The following SNTG2 variants were observed in gnomAD, a reference collection of about 807,000 sequenced individuals.
SNTG2 encodes gamma-2-syntrophin.
SNTG2 carries 74 observed loss-of-function variants against 70.9 expected under a neutral mutation model. The observed-to-expected ratio is 1.04, with a 90% CI of 0.86 to 1.27. The LOEUF (loss-of-function observed/expected upper bound fraction) is 1.27, where lower values mean the gene tolerates loss of function less well. Among genes scored for constraint, SNTG2 ranks in the 50% most tolerant of loss-of-function variants. The pLI, the probability that SNTG2 is intolerant of heterozygous loss-of-function variation, is 0.00. For synonymous variants in SNTG2, 278 were observed against 273.8 expected, an observed-to-expected ratio of 1.02 and a Z score of -0.15; for missense variants, 717 against 690.7, an observed-to-expected ratio of 1.04 and a Z score of -0.43.
intron 1 of SNTG2, among the ~76,000 whole-genome samples, chr2:1,031,880 C>G (rs985178154): frequency 6.6e-6 from 1 of 151,872 alleles, no homozygotes; most frequent in Non-Finnish European, 1.5e-5. Context: ...CATTTCCTAG[C>G]GATGGGAAAT....
intron 1 of SNTG2, among the ~76,000 whole-genome samples, chr2:988,647 C>CA (rs1183169003): frequency 1.3e-5 from 2 of 152,098 alleles, no homozygotes; most frequent in Non-Finnish European, 2.9e-5. Context: ...ACGCTATAGA[C>CA]ACGATTTCCA....
intron 6 of SNTG2, among the ~76,000 whole-genome samples, chr2:1,150,297 C>T (rs1350595816): frequency 1.3e-5 from 2 of 152,180 alleles, no homozygotes; most frequent in African/African-American, 4.8e-5. Context: ...TAACAAGCAT[C>T]TTACTTTGTA....
chr2:1,222,051 C>CTG (rs1309722165), intron 9 of SNTG2, among the ~76,000 whole-genome samples: 3 of 15,818 alleles, frequency 1.9e-4, no homozygotes, highest in Admixed American at 7.1e-4. Context: ...CTCTCTGTCT[C>CTG]TCTCTGTCTC....
intron 4 of SNTG2, among the ~76,000 whole-genome samples, chr2:1,132,754 C>G (rs373970196): frequency 1.6e-4 from 24 of 152,238 alleles, no homozygotes; most frequent in African/African-American, 5.8e-4. Flanking sequence ...GCTGAGTGTA[C>G]ATGATACGAT....
At chr2:956,222 G>GCCCCTGCCCCA (rs1471892355) in intron 1 of SNTG2, among the ~76,000 whole-genome samples, 3 of 27,258 alleles carry the variant, frequency 1.1e-4, no homozygotes, top group Non-Finnish European at 2.1e-4. Flanking sequence ...CCCCTGCCCC[G>GCCCCTGCCCCA]CCCCTGCCCC....
chr2:1,253,988 A>T (rs748841126), intron 12 of SNTG2, among the ~76,000 whole-genome samples: 11 of 152,168 alleles, frequency 7.2e-5, no homozygotes, highest in Non-Finnish European at 1.5e-4. Context: ...AAACAGTCAG[A>T]TCTCATGAAA....
chr2:1,146,811 G>A (rs1476285103), intron 6 of SNTG2, among the ~76,000 whole-genome samples: 1 of 152,094 alleles, frequency 6.6e-6, no homozygotes, highest in Non-Finnish European at 1.5e-5. Context: ...TTCAACAAAT[G>A]GACATCTACA....
At chr2:1,016,777 A>G (rs1345404625) in intron 1 of SNTG2, among the ~76,000 whole-genome samples, 1 of 152,230 alleles carries the variant, frequency 6.6e-6, no homozygotes, top group African/African-American at 2.4e-5. Context: ...ACACATATTC[A>G]CTTTGGGGTG....
At chr2:1,339,833 C>A (rs1432985607) in intron 16 of SNTG2, among the ~76,000 whole-genome samples, 1 of 152,190 alleles carries the variant, frequency 6.6e-6, no homozygotes, top group Non-Finnish European at 1.5e-5. Flanking sequence ...ACAAGATGGT[C>A]AGGTGGGGGA....
At chr2:1,179,413 A>G (rs1284270709) in intron 8 of SNTG2, among the ~76,000 whole-genome samples, 2 of 152,176 alleles carry the variant, frequency 1.3e-5, no homozygotes, top group Admixed American at 1.3e-4. Flanking sequence ...GCATTCTTAT[A>G]CACCAATAAC....
At chr2:1,091,666 G>A (rs1665037871) in intron 2 of SNTG2, among the ~76,000 whole-genome samples, 1 of 152,144 alleles carries the variant, frequency 6.6e-6, no homozygotes, top group Non-Finnish European at 1.5e-5. Context: ...CATACTCAGG[G>A]CTTTGGGTGT....
At chr2:1,177,399 G>A (rs1488075423) in intron 8 of SNTG2, among the ~76,000 whole-genome samples, 5 of 151,898 alleles carry the variant, frequency 3.3e-5, no homozygotes, top group African/African-American at 9.7e-5. Flanking sequence ...CTAGGTGATG[G>A]GTTGATAGGT....
intron 6 of SNTG2, among the ~76,000 whole-genome samples, chr2:1,162,156 T>A (rs1670357405): frequency 6.6e-6 from 1 of 151,814 alleles, no homozygotes; most frequent in African/African-American, 2.4e-5. Flanking sequence ...CTGACAAAAT[T>A]GTCCATTGTA....
intron 1 of SNTG2, among the ~76,000 whole-genome samples, chr2:1,004,376 A>G (rs767154786): frequency 6.6e-6 from 1 of 152,258 alleles, no homozygotes; most frequent in Non-Finnish European, 1.5e-5. Context: ...TGTTAAGATA[A>G]TGAAAAGACA....
intron 14 of SNTG2, among the ~76,000 whole-genome samples, chr2:1,282,432 T>A (rs1377545598): frequency 6.6e-6 from 1 of 152,236 alleles, no homozygotes; most frequent in Non-Finnish European, 1.5e-5. Flanking sequence ...AAAACATCGT[T>A]GATCAAAGAA....
chr2:1,105,754 C>T lies in SNTG2; in HGVS notation c.325+7344C>T, dbSNP rs75822090. Among the ~76,000 whole-genome samples the T allele has an allele frequency of 6.3e-3, 963 of 152,276 alleles. 8 individuals are homozygous for T. The highest frequency in any genetic ancestry group is 0.022 in the African/African-American group (895 of 41,560). On this transcript the variant is annotated intron_variant, in intron 4 of 16. Transcript: ENST00000308624. ...ACGACTTCATTGCTTACGGAAAAGC[C>T]GAGGTGCAGGCTGGGCTTTCCAGCT...
intron 14 of SNTG2, among the ~76,000 whole-genome samples, chr2:1,304,713 C>T (rs544659030): frequency 5.6e-4 from 79 of 140,230 alleles, no homozygotes; most frequent in East Asian, 8.5e-4. Context: ...GCAATAAGAG[C>T]GAAACTCTCT....
intron 9 of SNTG2, among the ~76,000 whole-genome samples, chr2:1,216,952 A>T (rs573945129): frequency 6.6e-6 from 1 of 152,188 alleles, no homozygotes; most frequent in East Asian, 1.9e-4. Context: ...CTGCCATGTG[A>T]AAAAGGGCCA....
At chr2:1,194,884 C>G (rs1380720324) in intron 8 of SNTG2, among the ~76,000 whole-genome samples, 2 of 152,110 alleles carry the variant, frequency 1.3e-5, no homozygotes. Context: ...CCTAGTCCCC[C>G]ACTCCACAAC....
Sources: gnomAD v4.1 joint callset for allele counts (sites outside exome capture counted in the v4.1 genomes callset) on GRCh38, gnomAD v4.1.1 for gene constraint, MANE v1.5 for transcripts, NCBI Gene and HGNC (gene_info 2026-07-23, HGNC 2026-07-21) for gene names.